Variants in KHDRBS2 observed in about 807,000 individuals in gnomAD.
KHDRBS2 encodes the protein KH domain-containing, RNA-binding, signal transduction-associated protein 2.
In KHDRBS2, 26 loss-of-function variants were observed where a neutral mutation model predicts 44.3. The observed-to-expected ratio is 0.59, with a 90% confidence interval of 0.43 to 0.81. The LOEUF is 0.81. Among genes scored for constraint, KHDRBS2 ranks in the 40% least tolerant of loss-of-function variants. The probability of loss-of-function intolerance (pLI) is 0.00; values close to 1 mark genes in which losing one functional copy is unlikely to be tolerated. For synonymous variants in KHDRBS2, 194 were observed against 151.1 expected (o/e 1.28, Z -2.08); for missense variants, 476 against 433.1 (o/e 1.10, Z -0.88).
chr6:61,949,737 C>T (rs1686191048), intron 4 of KHDRBS2, among the ~76,000 whole-genome samples: 1 of 151,484 alleles, frequency 6.6e-6, no homozygotes, highest in African/African-American at 2.4e-5. Context: ...AGTATCTGGA[C>T]AAAATTTTAA....
intron 4 of KHDRBS2, among the ~76,000 whole-genome samples, chr6:61,933,688 G>T (rs1442005879): frequency 2.0e-5 from 3 of 152,092 alleles, no homozygotes; most frequent in African/African-American, 7.2e-5. Context: ...CAACACAATG[G>T]TAAGTATTTG....
At chr6:61,741,066 A>C (rs1361988387) in intron 6 of KHDRBS2, among the ~76,000 whole-genome samples, 1 of 151,892 alleles carries the variant, frequency 6.6e-6, no homozygotes, top group Non-Finnish European at 1.5e-5. Context: ...GACCCCATTT[A>C]AAAAAATCAG....
chr6:61,554,087 T>A, the KHDRBS2 span, among the ~76,000 whole-genome samples: 1 of 152,290 alleles, frequency 6.6e-6, no homozygotes, highest in East Asian at 1.9e-4. Flanking sequence ...TCGTCTTATA[T>A]TGCTATTGGG....
Position 62,038,354 on chromosome 6 carries a change from G to A in KHDRBS2, c.336+9524C>T, listed in dbSNP as rs552267285. Among the ~76,000 whole-genome samples the A allele has an allele frequency of 6.6e-5, 10 of 150,996 alleles. No individual in the cohort carries two copies. In the East Asian group the frequency reaches 2.0e-3, roughly 30 times the overall value. ...TTTTTCTTTTTTGGTCTTTCTTTGA[G>A]CTCCGTTTAGTGTCATTAACTAAAG... On this transcript the variant is annotated intron_variant, in intron 3 of 8. Transcript: ENST00000281156.
the KHDRBS2 span, among the ~76,000 whole-genome samples, chr6:61,556,112 C>A: frequency 6.6e-6 from 1 of 152,170 alleles, no homozygotes; most frequent in African/African-American, 2.4e-5. Context: ...AACCAAGGTG[C>A]AGGATGGAGG....
intron 6 of KHDRBS2, among the ~76,000 whole-genome samples, chr6:61,835,052 C>T (rs1792432537): frequency 6.6e-6 from 1 of 151,922 alleles, no homozygotes; most frequent in South Asian, 2.1e-4. Flanking sequence ...CAGAATGATA[C>T]CTTTACTTAT....
chr6:61,845,021 G>GA (rs890993014), intron 6 of KHDRBS2, among the ~76,000 whole-genome samples: 12 of 151,828 alleles, frequency 7.9e-5, no homozygotes, highest in Non-Finnish European at 1.3e-4. Flanking sequence ...TGCTTAGAAG[G>GA]AAAAAAACTA....
chr6:61,662,226 A>G, the KHDRBS2 span, among the ~76,000 whole-genome samples: 1 of 152,136 alleles, frequency 6.6e-6, no homozygotes, highest in Admixed American at 6.6e-5. Context: ...CCCCTTCCTT[A>G]CATCTTATAC....
At chr6:62,067,089 T>A (rs765822192) in intron 2 of KHDRBS2, among the ~76,000 whole-genome samples, 25 of 151,636 alleles carry the variant, frequency 1.6e-4, no homozygotes, top group Middle Eastern at 3.4e-3. Context: ...TTAAATATTG[T>A]CAATCTGTTC....
At chr6:61,609,295 T>G in the KHDRBS2 span, among the ~76,000 whole-genome samples, 1 of 152,200 alleles carries the variant, frequency 6.6e-6, no homozygotes, top group Non-Finnish European at 1.5e-5. Context: ...GAGGTGGATG[T>G]TGCAGTGAGC....
At chr6:62,041,331 C>G (rs1317744804) in intron 3 of KHDRBS2, among the ~76,000 whole-genome samples, 1 of 151,152 alleles carries the variant, frequency 6.6e-6, no homozygotes, top group Non-Finnish European at 1.5e-5. Flanking sequence ...GACTCCGTCT[C>G]AATAAAAAAA....
intron 6 of KHDRBS2, among the ~76,000 whole-genome samples, chr6:61,869,571 G>T (rs1447065290): frequency 6.6e-6 from 1 of 152,156 alleles, no homozygotes; most frequent in African/African-American, 2.4e-5. Flanking sequence ...CAGATTGCTG[G>T]CAAGATGGTA....
intron 2 of KHDRBS2, among the ~76,000 whole-genome samples, chr6:62,108,640 A>G (rs1161634840): frequency 6.6e-6 from 1 of 152,214 alleles, no homozygotes; most frequent in Non-Finnish European, 1.5e-5. Context: ...ATAAAGACAC[A>G]TGCACACGTA....
intron 6 of KHDRBS2, among the ~76,000 whole-genome samples, chr6:61,746,170 C>T (rs1776830061): frequency 6.6e-6 from 1 of 151,954 alleles, no homozygotes; most frequent in Non-Finnish European, 1.5e-5. Flanking sequence ...TCCAATCAAC[C>T]AGAAAGAGAC....
chr6:62,233,298 A>C (rs1833176624), intron 1 of KHDRBS2, among the ~76,000 whole-genome samples: 1 of 152,006 alleles, frequency 6.6e-6, no homozygotes, highest in African/African-American at 2.4e-5. Context: ...AATGTTTCTC[A>C]CTCTTGAAGG....
At chr6:62,232,135 T>G (rs957054432) in intron 1 of KHDRBS2, among the ~76,000 whole-genome samples, 1 of 152,130 alleles carries the variant, frequency 6.6e-6, no homozygotes, top group East Asian at 1.9e-4. Flanking sequence ...GGAGAGACCT[T>G]TTTGCTTCTT....
chr6:62,000,899 A>G (rs1196146432), intron 3 of KHDRBS2, among the ~76,000 whole-genome samples: 1 of 152,224 alleles, frequency 6.6e-6, no homozygotes, highest in East Asian at 1.9e-4. Flanking sequence ...AAAAATTAGT[A>G]CTATTAAATC....
At chr6:62,236,490 T>C (rs773029111) in intron 1 of KHDRBS2, among the ~76,000 whole-genome samples, 3 of 151,972 alleles carry the variant, frequency 2.0e-5, no homozygotes, top group Non-Finnish European at 1.5e-5. Context: ...AATAATTTTA[T>C]ATATTTTTGA....
At chr6:61,799,372 T>C (rs1785897848) in intron 6 of KHDRBS2, among the ~76,000 whole-genome samples, 1 of 151,966 alleles carries the variant, frequency 6.6e-6, no homozygotes, top group Non-Finnish European at 1.5e-5. Context: ...TTTTCTTTTT[T>C]ACATAGTTCT....
Sources: allele counts gnomAD v4.1 joint callset (sites outside exome capture counted in the v4.1 genomes callset), GRCh38; gene constraint gnomAD v4.1.1; transcripts MANE v1.5; gene names NCBI Gene and HGNC (gene_info 2026-07-23, HGNC 2026-07-21).